The following UBE2L3 variants were observed in gnomAD, a reference collection of about 807,000 sequenced individuals.
UBE2L3 encodes the protein ubiquitin conjugating enzyme E2 L3.
A neutral mutation model predicts 17.8 loss-of-function variants in UBE2L3; 1 was observed. The ratio of observed to expected loss-of-function variants is 0.06; its 90% confidence interval spans 0.02 to 0.27. The LOEUF (loss-of-function observed/expected upper bound fraction) is 0.27, where lower values mean the gene tolerates loss of function less well. Ranked by LOEUF, UBE2L3 falls within the 10% of genes least tolerant of loss-of-function variation. The pLI, the probability that UBE2L3 is intolerant of heterozygous loss-of-function variation, is 1.00. For synonymous variants in UBE2L3, 44 were observed against 68.5 expected, an observed-to-expected ratio of 0.64 and a Z score of 1.76; for missense variants, 40 against 192.6, an observed-to-expected ratio of 0.21 and a Z score of 4.69.
chr22:21,612,643 C>T lies in UBE2L3; in HGVS notation c.310+1600C>T, dbSNP rs5754361. On this transcript the variant is annotated intron_variant, in intron 3 of 3. Coordinates refer to ENST00000342192, the MANE Select transcript of UBE2L3 (RefSeq NM_003347.4). Reference sequence around the variant, plus strand: ...CCCAGCCGATTTTTTCTTTTCTTTTCTTTTTTTTTTTTTTTTTTTTTTTTT... The same window carrying T: ...CCCAGCCGATTTTTTCTTTTCTTTTTTTTTTTTTTTTTTTTTTTTTTTTTT... Among the ~76,000 whole-genome samples, 356 of 52,368 alleles carry T rather than the reference C, an allele frequency of 6.8e-3. 3 individuals are homozygous for T. The highest frequency in any genetic ancestry group is 0.017 in the African/African-American group (259 of 15,690). The allele number at this position is 52,368 out of a possible 152,430, so 34.4% of individuals were successfully genotyped here. A position where few individuals can be genotyped will look rare whatever the true frequency, so the allele number is the denominator to read the frequency against.
intron 1 of UBE2L3, among the ~76,000 whole-genome samples, chr22:21,561,206 A>G (rs1340730196): frequency 1.3e-5 from 2 of 152,296 alleles, no homozygotes; most frequent in African/African-American, 4.8e-5. Context: ...TTTCCTCTGT[A>G]AATGGGGTTG....
At chr22:21,597,195 G>T (rs937045751) in intron 2 of UBE2L3, among the ~76,000 whole-genome samples, 8 of 152,096 alleles carry the variant, frequency 5.3e-5, no homozygotes, top group Non-Finnish European at 2.9e-5. Context: ...GGCCAGGCTG[G>T]TCTCGAACTC....
In UBE2L3 at chr22:21,569,710, C is replaced by G. The variant is rs543459307; in HGVS notation, c.27+1939C>G. Among the ~76,000 whole-genome samples, 13 of 152,328 alleles carry G rather than the reference C, an allele frequency of 8.5e-5. No individual in the cohort carries two copies. In the South Asian group the frequency reaches 2.5e-3, roughly 29 times the overall value. ...GCCCTTTGGTTTCCCACAGTTCTTG[C>G]ACCTAATCACAGTAGCTACTATTTT... On this transcript the variant is annotated intron_variant, in intron 1 of 3. Transcript: ENST00000342192.
intron 3 of UBE2L3, among the ~76,000 whole-genome samples, chr22:21,615,853 A>G (rs573549129): frequency 2.0e-5 from 3 of 152,312 alleles, no homozygotes; most frequent in South Asian, 4.1e-4. Context: ...TCTCAACTGA[A>G]GCAAGTGGGC....
intron 3 of UBE2L3, among the ~76,000 whole-genome samples, chr22:21,613,793 A>G (rs1402233728): frequency 2.0e-4 from 30 of 152,196 alleles, no homozygotes. Flanking sequence ...GCTGGTAGGC[A>G]TAGTGCACAT....
At chr22:21,555,870 T>A (rs1469623934) in intron 1 of UBE2L3, among the ~76,000 whole-genome samples, 15 of 152,214 alleles carry the variant, frequency 9.9e-5, no homozygotes, top group African/African-American at 3.6e-4. Flanking sequence ...AGGTGGAGGT[T>A]ACAGTGGGCT....
chr22:21,608,760 T>G (rs1929312476), intron 2 of UBE2L3, among the ~76,000 whole-genome samples: 1 of 149,326 alleles, frequency 6.7e-6, no homozygotes, highest in South Asian at 2.1e-4. Flanking sequence ...TTTTTTTTTT[T>G]TTGTAGAGAT....
intron 2 of UBE2L3, among the ~76,000 whole-genome samples, chr22:21,608,158 G>A (rs763442101): frequency 1.3e-5 from 2 of 152,190 alleles, no homozygotes; most frequent in African/African-American, 2.4e-5. Flanking sequence ...AGGACGTAGA[G>A]CAACAGGAAC....
chr22:21,592,776 G>T, intron 1 of UBE2L3, 85 bp from the exon 2 acceptor site: 1 of 1,088,510 alleles, frequency 9.2e-7, no homozygotes, highest in African/African-American at 1.6e-5. Flanking sequence ...TTTGGCACTT[G>T]GTTTAATTTG....
chr22:21,622,526 TCTG>T lies in UBE2L3; in HGVS notation c.*861_*863del, dbSNP rs757706988. The T allele has an allele frequency of 1.3e-5, 2 of 152,848 alleles. No individual in the cohort carries two copies. The highest frequency in any genetic ancestry group is 1.3e-4 in the Admixed American group (2 of 15,282). The allele number at this position is 152,848 out of a possible 1,614,324, so 9.5% of individuals were successfully genotyped here. On this transcript the variant is annotated 3_prime_UTR_variant, in exon 4 of 4. Transcript: ENST00000342192. ...TTCTCCCTGCAGCCATTGTAGAAGA[TCTG>T]CTGGTCCTTGCAGGCAAAGCTACAG...
intron 1 of UBE2L3, among the ~76,000 whole-genome samples, chr22:21,557,926 C>T (rs987634836): frequency 2.6e-5 from 4 of 151,244 alleles, no homozygotes; most frequent in African/African-American, 9.8e-5. Flanking sequence ...GGTTAGAGGA[C>T]CTCTTGCCCA....
intron 1 of UBE2L3, among the ~76,000 whole-genome samples, chr22:21,581,345 T>C (rs1054868142): frequency 2.0e-5 from 3 of 152,158 alleles, no homozygotes; most frequent in Non-Finnish European, 4.4e-5. Context: ...CCACCATGCC[T>C]GGCCATTTTG....
At chr22:21,593,867 C>G (rs1013313291) in intron 2 of UBE2L3, among the ~76,000 whole-genome samples, 1 of 152,138 alleles carries the variant, frequency 6.6e-6, no homozygotes, top group African/African-American at 2.4e-5. Context: ...CCTCCTCACT[C>G]TTAAACATGA....
chr22:21,610,719 T>A (rs1457309480), intron 2 of UBE2L3, 138 bp from the exon 3 acceptor site: 1 of 973,602 alleles, frequency 1.0e-6, no homozygotes, highest in African/African-American at 1.7e-5. Flanking sequence ...TGGGTTGTCC[T>A]GAAGGTGGCA....
intron 3 of UBE2L3, among the ~76,000 whole-genome samples, chr22:21,619,432 A>G (rs992757192): frequency 6.6e-6 from 1 of 151,916 alleles, no homozygotes; most frequent in Non-Finnish European, 1.5e-5. Context: ...CTCCTTGCCC[A>G]TCCACCCCCA....
intron 3 of UBE2L3, among the ~76,000 whole-genome samples, chr22:21,615,058 A>T (rs1929692989): frequency 6.6e-6 from 1 of 151,534 alleles, no homozygotes; most frequent in African/African-American, 2.4e-5. Flanking sequence ...GGGAGGCTGA[A>T]GCTGGAGAAT....
chr22:21,592,484 G>A (rs1347808745), intron 1 of UBE2L3, among the ~76,000 whole-genome samples: 1 of 152,204 alleles, frequency 6.6e-6, no homozygotes. Context: ...GGTATCAGGT[G>A]TAGAGCACCT....
At chr22:21,567,643 T>A, upstream of UBE2L3, 1 of 1,545,602 alleles carries the variant, frequency 6.5e-7, no homozygotes, top group Non-Finnish European at 8.7e-7. Context: ...TCTGCTCCTG[T>A]GCCCCGCCCC....
chr22:21,619,972 A>C (rs1929969157), intron 3 of UBE2L3, among the ~76,000 whole-genome samples: 1 of 152,152 alleles, frequency 6.6e-6, no homozygotes, highest in Admixed American at 6.6e-5. Flanking sequence ...ATTTCTTGTA[A>C]TGCTGAATGA....
Sources: gnomAD v4.1 joint callset for allele counts (sites outside exome capture counted in the v4.1 genomes callset) on GRCh38, gnomAD v4.1.1 for gene constraint, MANE v1.5 for transcripts, NCBI Gene and HGNC (gene_info 2026-07-23, HGNC 2026-07-21) for gene names.